The following BMPR1A variants were observed in gnomAD, a reference collection of about 807,000 sequenced individuals.
BMPR1A encodes bone morphogenetic protein receptor type-1A.
BMPR1A carries 7 observed loss-of-function variants against 66.0 expected under a neutral mutation model. The ratio of observed to expected loss-of-function variants is 0.11; its 90% CI spans 0.06 to 0.20. The LOEUF (loss-of-function observed/expected upper bound fraction) is 0.20. BMPR1A is among the 10% of genes least tolerant of loss of function. The pLI is 1.00. For missense variants in BMPR1A, 408 were observed against 669.1 expected (o/e 0.61, Z 4.31); for synonymous variants, 200 against 229.7 (o/e 0.87, Z 1.17).
At chr10:86,882,746 C>A (rs1162507695) in intron 3 of BMPR1A, among the ~76,000 whole-genome samples, 2 of 151,336 alleles carry the variant, frequency 1.3e-5, no homozygotes, top group African/African-American at 4.9e-5. Flanking sequence ...GGGCGGATCA[C>A]CTGAGGTCAG....
intron 1 of BMPR1A, among the ~76,000 whole-genome samples, chr10:86,789,729 A>C: frequency 6.6e-6 from 1 of 151,418 alleles, no homozygotes; most frequent in Admixed American, 6.6e-5. Flanking sequence ...AAAAAAACAA[A>C]CAAACACGTA....
intron 2 of BMPR1A, among the ~76,000 whole-genome samples, chr10:86,869,456 CAA>C (rs56797101): frequency 0.098 from 10,632 of 108,584 alleles, 443 homozygotes; most frequent in African/African-American, 0.11. Context: ...GACTCTGTCT[CAA>C]AAAAAAAAAA....
At chr10:86,906,758 A>C (rs200146094) in intron 7 of BMPR1A, among the ~76,000 whole-genome samples, 1 of 34,894 alleles carries the variant, frequency 2.9e-5, no homozygotes, top group Non-Finnish European at 4.2e-5. Context: ...AAAAAAAAAA[A>C]AAAACACTTT....
intron 2 of BMPR1A, among the ~76,000 whole-genome samples, chr10:86,857,307 G>C (rs79185803): frequency 0.034 from 5,105 of 152,136 alleles, 191 homozygotes; most frequent in African/African-American, 0.092. Flanking sequence ...CATGAGGCTC[G>C]TGAGTAACAA....
chr10:86,791,961 G>A (rs1026556503), intron 1 of BMPR1A, among the ~76,000 whole-genome samples: 12 of 147,736 alleles, frequency 8.1e-5, no homozygotes, highest in African/African-American at 2.3e-4. Context: ...TCAAGTGATC[G>A]CCTGCTTTGG....
At position 86,899,975 on chromosome 10, in the gene BMPR1A, G is replaced by A. The variant is rs372499777; in HGVS notation, c.431-52G>A. 8.7e-6 allele frequency: 14 copies of A among 1,610,354 alleles called. No homozygotes were observed. The African/African-American group carries it at 1.2e-4, about 14-fold the overall frequency. On this transcript the variant is annotated intron_variant, in intron 6 of 12. Coordinates refer to ENST00000372037, the MANE Select transcript of BMPR1A (RefSeq NM_004329.3). ...AACCAGGCTACCTAGAATTGAACAC[G>A]TCAGATTATTTTTTCATTTCAATTG...
chr10:86,924,046 C>G lies in BMPR1A; in HGVS notation c.*327C>G, dbSNP rs1261512108. The G allele has an allele frequency of 2.4e-6, 1 of 420,992 alleles. No individual in the cohort carries two copies. Among genetic ancestry groups the G allele is most frequent in the African/African-American group, 2.0e-5 (1 of 50,724 alleles). The allele number at this position is 420,992 out of a possible 1,614,324, so 26.1% of individuals were successfully genotyped here. On this transcript the variant is annotated 3_prime_UTR_variant, in exon 13 of 13. Transcript: ENST00000372037. The stretch of plus-strand genomic sequence containing the variant: ...AGCTCTGGGTACTGAATTGCCTGTT[C>G]ATAAAACGGTGCTTTCTGTGAAAGC...
intron 2 of BMPR1A, among the ~76,000 whole-genome samples, chr10:86,844,824 T>C (rs961608455): frequency 6.6e-6 from 1 of 152,226 alleles, no homozygotes; most frequent in East Asian, 1.9e-4. Context: ...TTGCCCAGGC[T>C]GGAGTGCAAT....
At chr10:86,860,668 G>C (rs1286445432) in intron 2 of BMPR1A, among the ~76,000 whole-genome samples, 1 of 151,444 alleles carries the variant, frequency 6.6e-6, no homozygotes. Flanking sequence ...TACTCGGGAG[G>C]CTGAGGCAGG....
intron 2 of BMPR1A, among the ~76,000 whole-genome samples, chr10:86,846,126 A>G (rs976571552): frequency 6.6e-6 from 1 of 152,184 alleles, no homozygotes; most frequent in African/African-American, 2.4e-5. Context: ...GAATGCTCTA[A>G]GAGCCCTCAG....
chr10:86,806,895 C>T (rs1386122403), intron 1 of BMPR1A, among the ~76,000 whole-genome samples: 5 of 151,950 alleles, frequency 3.3e-5, no homozygotes, highest in African/African-American at 9.7e-5. Context: ...ATTTTGATAG[C>T]GGGAGTCTCT....
chr10:86,771,740 C>T (rs966346078), intron 1 of BMPR1A, among the ~76,000 whole-genome samples: 1 of 151,976 alleles, frequency 6.6e-6, no homozygotes, highest in African/African-American at 2.4e-5. Context: ...TTAAATTTTC[C>T]ACAGTTAATC....
At chr10:86,761,378 C>T (rs1841053643) in intron 1 of BMPR1A, among the ~76,000 whole-genome samples, 1 of 152,158 alleles carries the variant, frequency 6.6e-6, no homozygotes, top group South Asian at 2.1e-4. Flanking sequence ...GAGCTTGGCT[C>T]TTGATCCAGC....
intron 1 of BMPR1A, among the ~76,000 whole-genome samples, chr10:86,765,483 C>CCAAA (rs1564677025): frequency 4.2e-5 from 3 of 70,654 alleles, no homozygotes; most frequent in South Asian, 6.0e-4. Flanking sequence ...GACTCTGTCT[C>CCAAA]AAAAAAAAAA....
Position 86,854,050 on chromosome 10 carries a change from G to A in BMPR1A, c.-153+15071G>A, listed in dbSNP as rs186177778. Among the ~76,000 whole-genome samples the A allele has an allele frequency of 6.0e-3, 906 of 152,140 alleles. 5 individuals carry two copies. The highest frequency in any genetic ancestry group is 0.01 in the Admixed American group (160 of 15,276). On this transcript the variant is annotated intron_variant, in intron 2 of 12. Coordinates refer to ENST00000372037, the MANE Select transcript of BMPR1A (RefSeq NM_004329.3). Reference sequence around the variant, plus strand: ...CCCTACAGTCTCGACCATAGAAGACGGCCACACCCAAGGGGACCATTTCAG... The same window carrying A: ...CCCTACAGTCTCGACCATAGAAGACAGCCACACCCAAGGGGACCATTTCAG...
chr10:86,798,758 C>T (rs1185284334), intron 1 of BMPR1A, among the ~76,000 whole-genome samples: 2 of 152,204 alleles, frequency 1.3e-5, no homozygotes, highest in African/African-American at 4.8e-5. Flanking sequence ...AGCTATCCAG[C>T]ATCCTGTTTT....
intron 1 of BMPR1A, among the ~76,000 whole-genome samples, chr10:86,836,899 C>T (rs776075616): frequency 9.2e-5 from 14 of 152,192 alleles, no homozygotes; most frequent in Admixed American, 3.3e-4. Context: ...TGCCACTATA[C>T]GCCAGCCTGG....
chr10:86,788,094 T>C (rs1841544053), intron 1 of BMPR1A, among the ~76,000 whole-genome samples: 1 of 152,220 alleles, frequency 6.6e-6, no homozygotes, highest in Non-Finnish European at 1.5e-5. Flanking sequence ...TTAAAATTTC[T>C]ATGCAGTGAT....
intron 1 of BMPR1A, among the ~76,000 whole-genome samples, chr10:86,812,609 T>G (rs975552250): frequency 6.6e-6 from 1 of 152,232 alleles, no homozygotes; most frequent in Non-Finnish European, 1.5e-5. Context: ...ACAAGATACA[T>G]GCTTGTTCTC....
Sources: allele counts gnomAD v4.1 joint callset (sites outside exome capture counted in the v4.1 genomes callset), GRCh38; gene constraint gnomAD v4.1.1; transcripts MANE v1.5; gene names NCBI Gene and HGNC (gene_info 2026-07-23, HGNC 2026-07-21).